PGM2L1: variants seen among roughly 807,000 people sequenced by gnomAD.
The protein encoded by PGM2L1 is phosphoglucomutase 2 like 1, also known as glucose 1,6-bisphosphate synthase.
Under a neutral mutation model 73.4 loss-of-function variants are expected in PGM2L1, and 35 were observed. That is an observed-to-expected ratio of 0.48 (90% CI 0.36 to 0.63). The LOEUF is 0.63. Ranked by LOEUF, PGM2L1 falls within the 30% of genes least tolerant of loss-of-function variation. PGM2L1 has a pLI of 0.00. For synonymous variants in PGM2L1, 225 were observed against 253.8 expected (o/e 0.89, Z 1.08); for missense variants, 570 against 742.0 (o/e 0.77, Z 2.69).
Position 74,331,110 on chromosome 11 carries a change from T to C in PGM2L1, c.*5542A>G, listed in dbSNP as rs1862004639. On this transcript the variant is annotated 3_prime_UTR_variant, in exon 14 of 14. Transcript: ENST00000298198. ...ATGAAAAATAATAAACCACGATTCC[T>C]ACTCTCGGGACTGAGCATCAGGTGG... is the stretch of plus-strand genomic sequence containing the variant. 1 of 152,182 alleles carries C rather than the reference T, an allele frequency of 6.6e-6. No homozygotes were observed. The highest frequency in any genetic ancestry group is 6.5e-5 in the Admixed American group (1 of 15,276). 9.4% of individuals were successfully genotyped at this position (152,182 alleles called of 1,614,324 possible).
At chr11:74,392,792 G>A (rs1863122493) in intron 1 of PGM2L1, among the ~76,000 whole-genome samples, 1 of 152,162 alleles carries the variant, frequency 6.6e-6, no homozygotes, top group Non-Finnish European at 1.5e-5. Flanking sequence ...CGCCCGCCTC[G>A]GCCTCCCAAA....
rs538707685 is a variant in PGM2L1, at chr11:74,336,561, A to T, written c.*91T>A. On this transcript the variant is annotated 3_prime_UTR_variant, in exon 14 of 14. Coordinates refer to ENST00000298198, the MANE Select transcript of PGM2L1 (RefSeq NM_173582.6). ...AAAGATACTCGGCCAGATGAGATAG[A>T]GAGAGAATGCTAACACAAGGTTCAA... 12 of 737,502 alleles carry T rather than the reference A, an allele frequency of 1.6e-5. No homozygotes were observed. The highest frequency in any genetic ancestry group is 2.5e-5 in the Non-Finnish European group (12 of 474,172). 45.7% of individuals were successfully genotyped at this position (737,502 alleles called of 1,614,324 possible). A position where few individuals can be genotyped will look rare whatever the true frequency, so the allele number is the denominator to read the frequency against.
intron 5 of PGM2L1, among the ~76,000 whole-genome samples, chr11:74,363,297 A>G (rs1862595871): frequency 6.6e-6 from 1 of 152,164 alleles, no homozygotes. Context: ...GGAAAGATCT[A>G]AAATTGACAC....
chr11:74,364,148 T>C (rs947572902), intron 5 of PGM2L1, among the ~76,000 whole-genome samples: 6 of 152,190 alleles, frequency 3.9e-5, no homozygotes, highest in Non-Finnish European at 8.8e-5. Flanking sequence ...GAAAAGGCCT[T>C]TGACAAAATT....
chr11:74,343,684 G>A (rs1056952338), intron 9 of PGM2L1, among the ~76,000 whole-genome samples: 1 of 149,132 alleles, frequency 6.7e-6, no homozygotes, highest in Non-Finnish European at 1.5e-5. Flanking sequence ...GCTTCATGTA[G>A]TCACAAAGTA....
chr11:74,383,948 T>A (rs1862985930), intron 1 of PGM2L1, among the ~76,000 whole-genome samples: 2 of 151,612 alleles, frequency 1.3e-5, no homozygotes, highest in East Asian at 1.9e-4. Context: ...TATATCTTTA[T>A]AATAGAATGA....
At chr11:74,377,263 T>A (rs1455173402) in intron 1 of PGM2L1, among the ~76,000 whole-genome samples, 2 of 151,768 alleles carry the variant, frequency 1.3e-5, no homozygotes, top group Non-Finnish European at 2.9e-5. Flanking sequence ...GCCTCCCGAG[T>A]AGCTGGACTA....
intron 1 of PGM2L1, among the ~76,000 whole-genome samples, chr11:74,377,161 G>C (rs184716092): frequency 6.8e-6 from 1 of 147,576 alleles, no homozygotes; most frequent in Non-Finnish European, 1.5e-5. Context: ...TTGAGACGGA[G>C]TCTCGCTCTG....
rs201844358 is a variant in PGM2L1, at chr11:74,346,858, G to C, written c.940-29C>G. 122 of 1,524,738 alleles carry C rather than the reference G, an allele frequency of 8.0e-5. No homozygotes were observed. The African/African-American group carries it at 1.5e-3, about 19-fold the overall frequency. The allele number at this position is 1,524,738 out of a possible 1,614,324, so 94.5% of individuals were successfully genotyped here. A position where few individuals can be genotyped will look rare whatever the true frequency, so the allele number is the denominator to read the frequency against. ...AAACAGTGACCCAAAAAGCTGGATTGTACTGAAGAACCTAAGTTCAATGTT... is the reference window on the plus strand; with the variant it reads ...AAACAGTGACCCAAAAAGCTGGATTCTACTGAAGAACCTAAGTTCAATGTT... On this transcript the variant is annotated intron_variant, in intron 7 of 13. Transcript: ENST00000298198.
chr11:74,363,161 G>C (rs571835708), intron 5 of PGM2L1, among the ~76,000 whole-genome samples: 1 of 152,170 alleles, frequency 6.6e-6, no homozygotes, highest in African/African-American at 2.4e-5. Context: ...TGAAATGAAG[G>C]CAGAAATAAA....
rs989945524 is a variant in PGM2L1, at chr11:74,342,320, G to C, written c.1632+141C>G. ...ACATCTCTTCCATCTGGCTGTTCCA[G>C]AATTGTCACCTTTATAATAAACTGG... On this transcript the variant is annotated intron_variant, in intron 12 of 13. Transcript: ENST00000298198. The C allele has an allele frequency of 3.6e-5, 24 of 669,038 alleles. No individual in the cohort carries two copies. In the African/African-American group the frequency reaches 4.1e-4, roughly 12 times the overall value. The allele number at this position is 669,038 out of a possible 1,614,324, so 41.4% of individuals were successfully genotyped here. A position where few individuals can be genotyped will look rare whatever the true frequency, so the allele number is the denominator to read the frequency against.
chr11:74,347,311 T>A lies in PGM2L1; in HGVS notation c.776A>T (p.Lys259Ile), dbSNP rs1862282023. 1.3e-6 allele frequency: 2 copies of A among 1,599,452 alleles called. No individual in the cohort carries two copies. Among genetic ancestry groups the A allele is most frequent in the Non-Finnish European group, 1.7e-6 (2 of 1,173,928 alleles). ...YRELNSKTTLKFVHTSFHGVG... is the reference protein window; with the variant it reads ...YRELNSKTTLIFVHTSFHGVG... ...CCCATGAAAAGATGTGTGCACAAATTTCAAGGTGGTCTTCGAGTTTAACTC... is the reference window on the plus strand; with the variant it reads ...CCCATGAAAAGATGTGTGCACAAATATCAAGGTGGTCTTCGAGTTTAACTC... The change falls in exon 7 of 14, where the codon AAA becomes ATA. Residue 259 changes from lysine (K) to isoleucine (I), a missense_variant. By Grantham distance (102) the Lys-to-Ile change is moderately radical (BLOSUM62 -3). Coordinates refer to ENST00000298198, the MANE Select transcript of PGM2L1 (RefSeq NM_173582.6).
At chr11:74,393,649 C>T (rs866634747) in intron 1 of PGM2L1, among the ~76,000 whole-genome samples, 5 of 152,152 alleles carry the variant, frequency 3.3e-5, no homozygotes, top group Non-Finnish European at 5.9e-5. Flanking sequence ...CAACGCAGAC[C>T]TACATTCTGA....
chr11:74,393,369 C>A (rs147672277), intron 1 of PGM2L1, among the ~76,000 whole-genome samples: 1 of 152,192 alleles, frequency 6.6e-6, no homozygotes, highest in Non-Finnish European at 1.5e-5. Flanking sequence ...TGGGTCTCTA[C>A]GCAATGACCC....
chr11:74,348,084 T>C (rs966860422), intron 6 of PGM2L1, among the ~76,000 whole-genome samples: 1 of 152,174 alleles, frequency 6.6e-6, no homozygotes, highest in Non-Finnish European at 1.5e-5. Flanking sequence ...CCCATATTTT[T>C]TCCTTCTTCC....
chr11:74,358,107 C>T (rs560347149), intron 5 of PGM2L1, among the ~76,000 whole-genome samples: 1 of 152,328 alleles, frequency 6.6e-6, no homozygotes, highest in East Asian at 1.9e-4. Context: ...TGTCATTATT[C>T]ATTTGTCAAA....
chr11:74,370,834 A>T, intron 4 of PGM2L1, 68 bp downstream of exon 4: 1 of 1,368,756 alleles, frequency 7.3e-7, no homozygotes, highest in South Asian at 1.2e-5. Context: ...AAATATTTGA[A>T]TCCTAGTTGA....
At chr11:74,352,395 G>A (rs1862372153) in intron 5 of PGM2L1, among the ~76,000 whole-genome samples, 1 of 152,150 alleles carries the variant, frequency 6.6e-6, no homozygotes, top group East Asian at 1.9e-4. Flanking sequence ...AACAATTAAT[G>A]TGTTAATTAT....
At chr11:74,390,082 G>A (rs111238392) in intron 1 of PGM2L1, among the ~76,000 whole-genome samples, 2 of 145,842 alleles carry the variant, frequency 1.4e-5, no homozygotes, top group Admixed American at 6.9e-5. Context: ...TTGCGCCACT[G>A]CACTCCAGCC....
Sources: gnomAD v4.1 joint callset for allele counts (sites outside exome capture counted in the v4.1 genomes callset) on GRCh38, gnomAD v4.1.1 for gene constraint, MANE v1.5 for transcripts, NCBI Gene and HGNC (gene_info 2026-07-23, HGNC 2026-07-21) for gene names.